Variants in PDE10A observed in about 807,000 individuals in gnomAD.
The protein encoded by PDE10A is cAMP and cAMP-inhibited cGMP 3',5'-cyclic phosphodiesterase 10A.
In PDE10A, 39 loss-of-function variants were observed where a neutral mutation model predicts 97.7. That is an observed-to-expected ratio of 0.40 (90% CI 0.31 to 0.52). The LOEUF (loss-of-function observed/expected upper bound fraction) is 0.52. PDE10A is among the 20% of genes least tolerant of loss of function. The probability of loss-of-function intolerance (pLI) is 0.56; values close to 1 mark genes in which losing one functional copy is unlikely to be tolerated. For missense variants in PDE10A, 731 were observed against 1,047.8 expected, an observed-to-expected ratio of 0.70 and a Z score of 4.17; for synonymous variants, 371 against 376.8, an observed-to-expected ratio of 0.98 and a Z score of 0.18.
At chr6:165,497,580 A>G (rs1052778386) in intron 2 of PDE10A, among the ~76,000 whole-genome samples, 2 of 152,256 alleles carry the variant, frequency 1.3e-5, no homozygotes, top group African/African-American at 4.8e-5. Flanking sequence ...TCATCATGAC[A>G]CAACCACGTA....
chr6:165,416,322 G>T (rs762936562), intron 11 of PDE10A, 41 bp from the exon 12 acceptor site: 1 of 1,207,576 alleles, frequency 8.3e-7, no homozygotes, highest in Non-Finnish European at 1.2e-6. Context: ...TTAAAATATG[G>T]ACTCTGTAGA....
intron 1 of PDE10A, among the ~76,000 whole-genome samples, chr6:165,696,745 T>C (rs9459480): frequency 0.029 from 4,379 of 152,292 alleles, 198 homozygotes; most frequent in African/African-American, 0.096. Flanking sequence ...TATTTCAAAC[T>C]AGTCGTTGTA....
chr6:165,456,203 T>C (rs1158402423), intron 3 of PDE10A, among the ~76,000 whole-genome samples: 3 of 152,226 alleles, frequency 2.0e-5, no homozygotes, highest in African/African-American at 4.8e-5. Flanking sequence ...TCTATGAGAA[T>C]GAAGCTAGCC....
chr6:165,604,945 T>C (rs11751211), intron 1 of PDE10A, among the ~76,000 whole-genome samples: 18,546 of 152,128 alleles, frequency 0.12, 1,158 homozygotes, highest in Non-Finnish European at 0.14. Context: ...AAACAAAAAC[T>C]AAAAAAATAA....
intron 17 of PDE10A, among the ~76,000 whole-genome samples, chr6:165,383,900 G>C (rs1785085747): frequency 1.3e-5 from 2 of 151,914 alleles, no homozygotes; most frequent in Admixed American, 1.3e-4. Context: ...ATGCCTGAGT[G>C]GGGGGCCACA....
chr6:165,438,059 T>G (rs1790153348), intron 5 of PDE10A, among the ~76,000 whole-genome samples: 1 of 152,190 alleles, frequency 6.6e-6, no homozygotes. Context: ...AAACGTTAAT[T>G]TACATTCCAT....
intron 1 of PDE10A, among the ~76,000 whole-genome samples, chr6:165,585,042 C>T (rs1478585086): frequency 6.6e-6 from 1 of 152,204 alleles, no homozygotes; most frequent in Non-Finnish European, 1.5e-5. Context: ...ATTCTTCCTG[C>T]TCTTATCCCT....
At chr6:165,678,432 G>GA (rs77098604) in intron 1 of PDE10A, among the ~76,000 whole-genome samples, 172 of 147,860 alleles carry the variant, frequency 1.2e-3, no homozygotes, top group African/African-American at 3.1e-3. Flanking sequence ...CTGTATTCTT[G>GA]AAAAAAAAAA....
intron 1 of PDE10A, among the ~76,000 whole-genome samples, chr6:165,619,409 C>CTAGTGTACTG (rs1787952243): frequency 2.7e-4 from 2 of 7,314 alleles, no homozygotes; most frequent in Non-Finnish European, 5.3e-4. Flanking sequence ...GTAGTGTAGT[C>CTAGTGTACTG]TAGTGTAGTG....
At chr6:165,899,363 A>G (rs1163481848) in intron 1 of PDE10A, among the ~76,000 whole-genome samples, 1 of 152,212 alleles carries the variant, frequency 6.6e-6, no homozygotes, top group African/African-American at 2.4e-5. Flanking sequence ...ACATTTAATA[A>G]TGATCAGAGC....
intron 1 of PDE10A, among the ~76,000 whole-genome samples, chr6:165,714,987 C>T (rs185331543): frequency 1.3e-5 from 2 of 152,372 alleles, no homozygotes; most frequent in Middle Eastern, 3.4e-3. Flanking sequence ...CACAAAGACC[C>T]GGTGTGAACT....
rs1207824092 is a variant in PDE10A at position 165,689,756 on chromosome 6, T to A, written c.-614-146188A>T. On this transcript the variant is annotated intron_variant, in intron 1 of 19. Coordinates refer to the PDE10A transcript ENST00000366882. ...AGAACCATGAGCCAAATAAACCTCT[T>A]ACCCAGTCGTGGGTATTCCTTTCGT... Among the ~76,000 whole-genome samples the A allele has an allele frequency of 2.0e-5, 3 of 152,186 alleles. No homozygotes were observed. In the East Asian group the frequency reaches 5.8e-4, roughly 29 times the overall value.
intron 1 of PDE10A, among the ~76,000 whole-genome samples, chr6:165,787,162 T>C (rs1778518947): frequency 6.6e-6 from 1 of 152,002 alleles, no homozygotes; most frequent in Non-Finnish European, 1.5e-5. Flanking sequence ...ATTCCCCAAG[T>C]AGAAGTACTA....
At chr6:165,630,291 T>C (rs1788571096) in intron 1 of PDE10A, among the ~76,000 whole-genome samples, 1 of 152,142 alleles carries the variant, frequency 6.6e-6, no homozygotes, top group South Asian at 2.1e-4. Flanking sequence ...GAGATTGAAG[T>C]AAGCCAAGAT....
chr6:165,704,667 G>C (rs1044223176), intron 1 of PDE10A, among the ~76,000 whole-genome samples: 1 of 152,170 alleles, frequency 6.6e-6, no homozygotes, highest in Admixed American at 6.5e-5. Context: ...AATAAAATCT[G>C]TCAGTTAAGT....
chr6:165,612,895 A>C (rs1787564043), intron 1 of PDE10A, among the ~76,000 whole-genome samples: 1 of 152,230 alleles, frequency 6.6e-6, no homozygotes, highest in South Asian at 2.1e-4. Context: ...CATAAATTCA[A>C]AAATGTGATT....
intron 13 of PDE10A, among the ~76,000 whole-genome samples, chr6:165,409,854 G>A (rs200990476): frequency 8.8e-5 from 13 of 147,860 alleles, no homozygotes; most frequent in Middle Eastern, 3.7e-3. Flanking sequence ...AATAATCAAT[G>A]TAAAAATGGA....
At chr6:165,397,346 G>A (rs1786247521) in intron 13 of PDE10A, among the ~76,000 whole-genome samples, 1 of 152,052 alleles carries the variant, frequency 6.6e-6, no homozygotes, top group Non-Finnish European at 1.5e-5. Flanking sequence ...GTAACATTTT[G>A]CATTTTTAAA....
chr6:165,448,760 C>T (rs915816919), intron 5 of PDE10A, among the ~76,000 whole-genome samples, 168 bp downstream of exon 5: 1 of 151,490 alleles, frequency 6.6e-6, no homozygotes, highest in Non-Finnish European at 1.5e-5. Flanking sequence ...CTAAATGTTG[C>T]CATGTCAGTA....
Sources: allele counts gnomAD v4.1 joint callset (sites outside exome capture counted in the v4.1 genomes callset), GRCh38; gene constraint gnomAD v4.1.1; transcripts MANE v1.5; gene names NCBI Gene and HGNC (gene_info 2026-07-23, HGNC 2026-07-21).